Variants in DPYD observed in about 807,000 individuals in gnomAD.
DPYD encodes the protein dihydropyrimidine dehydrogenase.
Under a neutral mutation model 116.2 loss-of-function variants are expected in DPYD, and 109 were observed. That is an observed-to-expected ratio of 0.94 (90% CI 0.80 to 1.10). The LOEUF is 1.10. Ranked by LOEUF, DPYD falls within the 50% of genes least tolerant of loss-of-function variation. DPYD has a pLI of 0.00. For synonymous variants in DPYD, 440 were observed against 432.0 expected, an observed-to-expected ratio of 1.02 and a Z score of -0.23; for missense variants, 1,302 against 1,254.5, an observed-to-expected ratio of 1.04 and a Z score of -0.57.
rs141126148 is a variant in DPYD, at chr1:97,137,380, TG to T, written c.2623-38749del. 2.3e-4 allele frequency among the ~76,000 whole-genome samples: 35 copies of T among 152,340 alleles called. No individual in the cohort carries two copies. The East Asian group carries it at 5.6e-3, about 24-fold the overall frequency. ...AATCCCTGTACAATGACCAATACTT[TG>T]GGTAGTAATGTAATTCTTCCAGGTT... On this transcript the variant is annotated intron_variant, in intron 20 of 22. Transcript: ENST00000370192.
intron 4 of DPYD, among the ~76,000 whole-genome samples, chr1:97,731,500 C>A (rs1479672191): frequency 6.6e-6 from 1 of 151,964 alleles, no homozygotes; most frequent in Non-Finnish European, 1.5e-5. Context: ...ATAGCACTTA[C>A]AAAATTTGGT....
At chr1:97,604,841 T>C (rs1421054725) in intron 8 of DPYD, among the ~76,000 whole-genome samples, 2 of 152,064 alleles carry the variant, frequency 1.3e-5, no homozygotes, top group African/African-American at 4.8e-5. Context: ...AGGTAAATCA[T>C]CTAGAAATGG....
In DPYD at chr1:97,137,749, T is replaced by C. The variant is rs867785684; in HGVS notation, c.2623-39117A>G. 2.0e-5 allele frequency among the ~76,000 whole-genome samples: 3 copies of C among 152,212 alleles called. No individual in the cohort carries two copies. The South Asian group carries it at 6.2e-4, about 31-fold the overall frequency. On this transcript the variant is annotated intron_variant, in intron 20 of 22. Coordinates refer to ENST00000370192, the MANE Select transcript of DPYD (RefSeq NM_000110.4). ...TAAAGTATTTATATTGAAACTACAATGGCAAAGCATGTAGGATGATCTACC... is the reference window on the plus strand; with the variant it reads ...TAAAGTATTTATATTGAAACTACAACGGCAAAGCATGTAGGATGATCTACC...
intron 19 of DPYD, among the ~76,000 whole-genome samples, chr1:97,222,626 T>C (rs1660850200): frequency 6.6e-6 from 1 of 152,136 alleles, no homozygotes; most frequent in Non-Finnish European, 1.5e-5. Context: ...AATAATGTGA[T>C]AACTGACACA....
intron 3 of DPYD, among the ~76,000 whole-genome samples, chr1:97,819,274 T>C (rs1668794774): frequency 6.6e-6 from 1 of 151,980 alleles, no homozygotes; most frequent in Non-Finnish European, 1.5e-5. Context: ...TGCTGATCTA[T>C]TTAGTGATAG....
intron 20 of DPYD, among the ~76,000 whole-genome samples, chr1:97,114,162 C>A (rs1038270520): frequency 2.0e-5 from 3 of 152,034 alleles, no homozygotes; most frequent in Non-Finnish European, 4.4e-5. Context: ...CAGCATTATC[C>A]CAGAAAACGA....
chr1:97,795,409 A>G (rs1161870653), intron 3 of DPYD, among the ~76,000 whole-genome samples: 1 of 152,048 alleles, frequency 6.6e-6, no homozygotes, highest in Non-Finnish European at 1.5e-5. Flanking sequence ...ATAAATACAT[A>G]ATTAACTACT....
chr1:97,185,368 C>T (rs1186371409), intron 20 of DPYD, among the ~76,000 whole-genome samples: 1 of 152,054 alleles, frequency 6.6e-6, no homozygotes, highest in Non-Finnish European at 1.5e-5. Flanking sequence ...ACCAAACACC[C>T]ACCCACAGCT....
intron 3 of DPYD, among the ~76,000 whole-genome samples, chr1:97,812,018 GTTA>G (rs750081185): frequency 2.0e-5 from 3 of 152,076 alleles, no homozygotes; most frequent in Non-Finnish European, 4.4e-5. Flanking sequence ...TTCCTCATCA[GTTA>G]TTATATAGCT....
chr1:97,376,209 T>C (rs533305480), intron 15 of DPYD, among the ~76,000 whole-genome samples: 27 of 152,314 alleles, frequency 1.8e-4, no homozygotes, highest in African/African-American at 6.5e-4. Flanking sequence ...CTCAAGCATT[T>C]TGAGTCCAGG....
intron 19 of DPYD, among the ~76,000 whole-genome samples, chr1:97,233,371 G>A (rs1311139526): frequency 6.6e-6 from 1 of 152,102 alleles, no homozygotes; most frequent in African/African-American, 2.4e-5. Flanking sequence ...GAAGGGGGGA[G>A]GACGGACACC....
intron 19 of DPYD, among the ~76,000 whole-genome samples, chr1:97,200,033 C>T (rs1659097055): frequency 6.6e-6 from 1 of 152,086 alleles, no homozygotes; most frequent in Non-Finnish European, 1.5e-5. Context: ...ATATTTATCC[C>T]AGGTAAATAA....
chr1:97,755,996 T>C (rs1377256847), intron 3 of DPYD, among the ~76,000 whole-genome samples: 1 of 152,138 alleles, frequency 6.6e-6, no homozygotes, highest in African/African-American at 2.4e-5. Context: ...AAACAGGGAC[T>C]ACCACATCAG....
intron 18 of DPYD, among the ~76,000 whole-genome samples, chr1:97,281,018 C>T (rs1001208751): frequency 8.6e-5 from 13 of 151,930 alleles, no homozygotes; most frequent in South Asian, 2.1e-4. Context: ...AATTATTGTT[C>T]GATTATAAAT....
At chr1:97,249,656 A>C (rs1383677651) in intron 18 of DPYD, among the ~76,000 whole-genome samples, 1 of 152,168 alleles carries the variant, frequency 6.6e-6, no homozygotes, top group African/African-American at 2.4e-5. Flanking sequence ...GAAAATAAAG[A>C]AGCCAAAGTC....
chr1:97,704,508 T>C (rs1254825942), intron 5 of DPYD, among the ~76,000 whole-genome samples: 2 of 152,030 alleles, frequency 1.3e-5, no homozygotes, highest in African/African-American at 4.8e-5. Context: ...ATTTAAAATG[T>C]CCATAAATAC....
intron 3 of DPYD, chr1:97,798,190 T>C (rs1667673041): frequency 6.6e-6 from 1 of 152,134 alleles, no homozygotes; most frequent in Non-Finnish European, 1.5e-5. Context: ...GGTCCTAACC[T>C]ATATGTAGAG....
At chr1:97,525,976 AGAGTGT>A (rs750456089) in intron 12 of DPYD, among the ~76,000 whole-genome samples, 10 of 73,720 alleles carry the variant, frequency 1.4e-4, no homozygotes, top group African/African-American at 1.8e-4. Flanking sequence ...TGGGTAATTA[AGAGTGT>A]GTGTGTGTGT....
intron 6 of DPYD, among the ~76,000 whole-genome samples, chr1:97,696,131 A>AG (rs1024142766): frequency 1.3e-4 from 19 of 151,724 alleles, no homozygotes; most frequent in African/African-American, 4.1e-4. Context: ...CTCTTTCAAA[A>AG]AAAAAAGAAA....
Sources: gnomAD v4.1 joint callset for allele counts (sites outside exome capture counted in the v4.1 genomes callset) on GRCh38, gnomAD v4.1.1 for gene constraint, MANE v1.5 for transcripts, NCBI Gene and HGNC (gene_info 2026-07-23, HGNC 2026-07-21) for gene names.